Variants in TFDP1 observed in about 807,000 individuals in gnomAD.
The protein encoded by TFDP1 is DRTF1-polypeptide 1.
A neutral mutation model predicts 48.0 loss-of-function variants in TFDP1; 6 were observed. The observed-to-expected ratio is 0.13, with a 90% CI of 0.07 to 0.25. The LOEUF (loss-of-function observed/expected upper bound fraction) is 0.25. Among genes scored for constraint, TFDP1 ranks in the 10% least tolerant of loss-of-function variants. The probability of loss-of-function intolerance (pLI) is 1.00; values close to 1 mark genes in which losing one functional copy is unlikely to be tolerated. For synonymous variants in TFDP1, 201 were observed against 211.6 expected (o/e 0.95, Z 0.44); for missense variants, 335 against 543.0 (o/e 0.62, Z 3.81).
intron 3 of TFDP1, among the ~76,000 whole-genome samples, chr13:113,621,892 C>T (rs1243621974): frequency 6.6e-6 from 1 of 152,240 alleles, no homozygotes; most frequent in Non-Finnish European, 1.5e-5. Flanking sequence ...CCCTGTGATG[C>T]TGTGCTTCAG....
At chr13:113,630,916 A>G (rs1015766210) in intron 4 of TFDP1, among the ~76,000 whole-genome samples, 29 of 152,124 alleles carry the variant, frequency 1.9e-4, no homozygotes, top group Non-Finnish European at 3.4e-4. Context: ...GGTTCCCCCC[A>G]GAGGGGCCCA....
chr13:113,593,827 C>T (rs1471711700), intron 2 of TFDP1, among the ~76,000 whole-genome samples: 4 of 118,504 alleles, frequency 3.4e-5, no homozygotes, highest in South Asian at 2.9e-4. Context: ...AGGCGTGATG[C>T]GTGTGGGTCC....
chr13:113,585,752 C>CTTTT (rs113638790), intron 1 of TFDP1, 22 bp from the exon 2 acceptor site: 9 of 1,091,640 alleles, frequency 8.2e-6, no homozygotes, highest in African/African-American at 3.3e-5. Context: ...TTTTTCCTTA[C>CTTTT]TTTTTTTTTT....
intron 3 of TFDP1, among the ~76,000 whole-genome samples, chr13:113,616,762 GAC>G (rs1210457930): frequency 6.6e-6 from 1 of 152,142 alleles, no homozygotes; most frequent in African/African-American, 2.4e-5. Context: ...CTTGCCCCCC[GAC>G]ACACGCACTG....
In TFDP1 at chr13:113,640,302, C is replaced by T. The variant is rs374365132; in HGVS notation, c.*35C>T. The stretch of plus-strand genomic sequence containing the variant: ...CACTTCAGATTCGGCTTCAGGAAAA[C>T]GTTTAGCGAAAAGAAACTTTTTTTT... On this transcript the variant is annotated 3_prime_UTR_variant, in exon 12 of 12. Transcript: ENST00000375370. 5.0e-5 allele frequency: 80 copies of T among 1,586,628 alleles called. No individual in the cohort carries two copies. The highest frequency in any genetic ancestry group is 6.2e-5 in the Non-Finnish European group (72 of 1,168,282).
At chr13:113,605,732 C>G (rs1348802557) in intron 2 of TFDP1, among the ~76,000 whole-genome samples, 1 of 152,246 alleles carries the variant, frequency 6.6e-6, no homozygotes, top group African/African-American at 2.4e-5. Context: ...GACCTAGCTT[C>G]AGAAGTTGCC....
In TFDP1 at chr13:113,636,108, C is replaced by A. The variant is rs1279886231; in HGVS notation, c.819C>A (p.Asp273Glu). The change falls in exon 9 of 12, where the codon GAC becomes GAA. Residue 273 changes from aspartate to glutamate, a missense_variant. Asp to Glu is a conservative substitution (Grantham distance 45, BLOSUM62 2). Transcript: ENST00000375370. ...ACACCAGCAAGAAGACGGTCATCGACTGCAGCATCTCCAATGACAAGTAGG... is the reference window on the plus strand; with the variant it reads ...ACACCAGCAAGAAGACGGTCATCGAATGCAGCATCTCCAATGACAAGTAGG... Reference protein sequence around the residue: ...IVNTSKKTVIDCSISNDKFEY... With the variant: ...IVNTSKKTVIECSISNDKFEY... 4.3e-6 allele frequency: 7 copies of A among 1,614,210 alleles called. No homozygotes were observed. Among genetic ancestry groups the A allele is most frequent in the Non-Finnish European group, 5.9e-6 (7 of 1,180,032 alleles).
intron 11 of TFDP1, among the ~76,000 whole-genome samples, chr13:113,639,384 C>A (rs1024633652): frequency 2.6e-5 from 4 of 152,146 alleles, no homozygotes; most frequent in Non-Finnish European, 4.4e-5. Context: ...CATGATGAGA[C>A]ATTTTATACA....
rs2049397434 is a variant in TFDP1 at position 113,633,652 on chromosome 13, C to T, written c.475-238C>T. Among the ~76,000 whole-genome samples, 1 of 152,184 alleles carries T rather than the reference C, an allele frequency of 6.6e-6. No homozygotes were observed. Among genetic ancestry groups the T allele is most frequent in the Non-Finnish European group, 1.5e-5 (1 of 68,040 alleles). On this transcript the variant is annotated intron_variant, in intron 6 of 11. Transcript: ENST00000375370. This position sits in a 1 kb window ranked among gnomAD's most constrained non-coding sequence, Gnocchi z 4.5. The stretch of plus-strand genomic sequence containing the variant: ...GGCCCAGAAATGCACAAATGCCCAC[C>T]TCACCAGCTGGGCTCGACACCCGAG...
intron 3 of TFDP1, among the ~76,000 whole-genome samples, chr13:113,615,097 T>C (rs1183280608): frequency 6.6e-6 from 1 of 152,134 alleles, no homozygotes; most frequent in Non-Finnish European, 1.5e-5. Flanking sequence ...CTCGAGACAT[T>C]TTGCATCCAC....
intron 2 of TFDP1, among the ~76,000 whole-genome samples, chr13:113,588,628 A>T (rs781744888): frequency 1.4e-4 from 21 of 152,296 alleles, no homozygotes; most frequent in Admixed American, 3.3e-4. Flanking sequence ...TACTCTGAAA[A>T]GTTTGCAGAG....
At chr13:113,613,311 G>T (rs1307677191) in intron 3 of TFDP1, among the ~76,000 whole-genome samples, 1 of 152,196 alleles carries the variant, frequency 6.6e-6, no homozygotes, top group Non-Finnish European at 1.5e-5. Context: ...ACTGCACCCG[G>T]CCACACGTGG....
intron 4 of TFDP1, among the ~76,000 whole-genome samples, chr13:113,625,605 TTCAGGCGTCTCTCACGTGTCC>T (rs1160001354): frequency 0.012 from 281 of 24,014 alleles, 5 homozygotes; most frequent in African/African-American, 0.027. Context: ...CTCACGTGTC[TTCAGGCGTCTCTCACGTGTCC>T]TCAGGCGTCT....
chr13:113,598,686 C>T lies in TFDP1; in HGVS notation c.13-12310C>T, dbSNP rs77777085. On this transcript the variant is annotated intron_variant, in intron 2 of 11. Transcript: ENST00000375370. The surrounding 1 kb of genome is among the most constrained non-coding windows in gnomAD (Gnocchi z 4.2). ...GTGTTGCCCTCCTGGGTGGAGTCTG[C>T]GTCCCCCTTTCCTGGTCATTTAAGT... 1.8e-4 allele frequency among the ~76,000 whole-genome samples: 27 copies of T among 152,334 alleles called. No homozygotes were observed. Among genetic ancestry groups the T allele is most frequent in the Non-Finnish European group, 3.1e-4 (21 of 68,024 alleles).
chr13:113,601,078 TC>T (rs2048413911), intron 2 of TFDP1, among the ~76,000 whole-genome samples: 1 of 152,218 alleles, frequency 6.6e-6, no homozygotes, highest in Admixed American at 6.5e-5. Flanking sequence ...GATGCGAGGT[TC>T]TTTTCTGCTG....
intron 2 of TFDP1, among the ~76,000 whole-genome samples, chr13:113,593,255 C>T (rs539918446): frequency 7.1e-6 from 1 of 140,418 alleles, no homozygotes; most frequent in South Asian, 2.3e-4. Flanking sequence ...CTCAGCTATA[C>T]ACAGGTGTCA....
chr13:113,627,462 C>T lies in TFDP1; in HGVS notation c.187-4161C>T, dbSNP rs2049212719. On this transcript the variant is annotated intron_variant, in intron 4 of 11. Coordinates refer to ENST00000375370, the MANE Select transcript of TFDP1 (RefSeq NM_007111.5). This position sits in a 1 kb window ranked among gnomAD's most constrained non-coding sequence, Gnocchi z 4.1. The stretch of plus-strand genomic sequence containing the variant: ...AGTGGCCTTTCCTTTGCAGCTGCGC[C>T]ACTGGCCCTGTCTCTCTGGACACCG... 6.6e-6 allele frequency among the ~76,000 whole-genome samples: 1 copy of T among 152,218 alleles called. No homozygotes were observed. The highest frequency in any genetic ancestry group is 1.5e-5 in the Non-Finnish European group (1 of 68,042).
intron 2 of TFDP1, among the ~76,000 whole-genome samples, chr13:113,599,167 A>G (rs748488208): frequency 6.6e-6 from 1 of 150,774 alleles, no homozygotes; most frequent in Non-Finnish European, 1.5e-5. Context: ...AGTTTGTCCT[A>G]GGTTTTTTTT....
chr13:113,613,626 A>T (rs111701293), intron 3 of TFDP1, among the ~76,000 whole-genome samples: 1 of 139,520 alleles, frequency 7.2e-6, no homozygotes, highest in Non-Finnish European at 1.6e-5. Flanking sequence ...GTATGTGAGG[A>T]GTGTGTGTGC....
Sources: gnomAD v4.1 joint callset for allele counts (sites outside exome capture counted in the v4.1 genomes callset) on GRCh38, gnomAD v4.1.1 for gene constraint, Gnocchi (gnomAD v3.1) non-coding constraint, MANE v1.5 for transcripts, NCBI Gene and HGNC (gene_info 2026-07-23, HGNC 2026-07-21) for gene names.